AQR: variants seen among roughly 807,000 people sequenced by gnomAD.
AQR encodes the protein aquarius intron-binding spliceosomal factor, also known as RNA helicase aquarius.
AQR carries 61 observed loss-of-function variants against 180.5 expected under a neutral mutation model. The ratio of observed to expected loss-of-function variants is 0.34; its 90% CI spans 0.28 to 0.42. AQR has a LOEUF of 0.42. Ranked by LOEUF, AQR falls within the 10% of genes least tolerant of loss-of-function variation. The probability of loss-of-function intolerance (pLI) is 1.00; values close to 1 mark genes in which losing one functional copy is unlikely to be tolerated. For missense variants in AQR, 1,281 were observed against 1,798.3 expected (o/e 0.71, Z 5.20); for synonymous variants, 551 against 588.8 (o/e 0.94, Z 0.93).
At position 34,851,876 on chromosome 15, in the gene AQR, T is replaced by C. The variant is rs916920708; in HGVS notation, c.*4916A>G. 1.8e-4 allele frequency: 27 copies of C among 152,212 alleles called. No homozygotes were observed. Among genetic ancestry groups the C allele is most frequent in the African/African-American group, 6.0e-4 (25 of 41,458 alleles). The allele number at this position is 152,212 out of a possible 1,614,324, so 9.4% of individuals were successfully genotyped here. The stretch of plus-strand genomic sequence containing the variant: ...CTAAAATTAAAATGTAAACAGAGAA[T>C]GCTCAGTGACCTTTTCTTAGGAGGC... On this transcript the variant is annotated 3_prime_UTR_variant, in exon 35 of 35. Transcript: ENST00000156471.
At chr15:34,874,124 T>C in intron 29 of AQR, 125 bp from the exon 30 acceptor site, 1 of 1,001,698 alleles carries the variant, frequency 1.0e-6, no homozygotes, top group Non-Finnish European at 1.4e-6. Flanking sequence ...TTTTGGCTCA[T>C]CTTTTAAGCA....
At chr15:34,911,756 T>C (rs1024980781) in intron 16 of AQR, among the ~76,000 whole-genome samples, 11 of 152,314 alleles carry the variant, frequency 7.2e-5, no homozygotes, top group African/African-American at 2.6e-4. Flanking sequence ...TTCATTTTGT[T>C]GACTGTTTCC....
rs1044590882 is a variant in AQR at position 34,874,869 on chromosome 15, A to G, written c.3238-5T>C. On this transcript the variant is annotated splice_region_variant and splice_polypyrimidine_tract_variant and intron_variant, in intron 28 of 34. Transcript: ENST00000156471. ...GCTAAATCCATCCTGAGGATTCTAG[A>G]AATGAAAAGTAAGGAAATGGCAAAA... The G allele has an allele frequency of 6.2e-7, 1 of 1,611,334 alleles. No homozygotes were observed. Among genetic ancestry groups the G allele is most frequent in the Admixed American group, 1.7e-5 (1 of 59,268 alleles).
intron 5 of AQR, among the ~76,000 whole-genome samples, chr15:34,945,598 A>G (rs1357361280): frequency 3.3e-5 from 5 of 152,220 alleles, no homozygotes; most frequent in Non-Finnish European, 5.9e-5. Flanking sequence ...AATAGCTTGA[A>G]GCAACTTGAA....
chr15:34,922,881 A>G lies in AQR; in HGVS notation c.1119-2447T>C, dbSNP rs182850816. Reference sequence around the variant, plus strand: ...TATGGTTTAAATTTGCATTTCCCCAATGACTAAACATGTTAAGCATCTTTC... The same window carrying G: ...TATGGTTTAAATTTGCATTTCCCCAGTGACTAAACATGTTAAGCATCTTTC... On this transcript the variant is annotated intron_variant, in intron 13 of 34. Coordinates refer to ENST00000156471, the MANE Select transcript of AQR (RefSeq NM_014691.3). Among the ~76,000 whole-genome samples, 86 of 152,142 alleles carry G rather than the reference A, an allele frequency of 5.7e-4. 1 individual carries two copies. The highest frequency in any genetic ancestry group is 1.1e-3 in the Admixed American group (17 of 15,278).
chr15:34,880,213 G>A (rs1892950995), intron 27 of AQR, among the ~76,000 whole-genome samples: 1 of 152,168 alleles, frequency 6.6e-6, no homozygotes, highest in Non-Finnish European at 1.5e-5. Flanking sequence ...AAATGTGAGA[G>A]TAGATTAAAA....
In AQR at chr15:34,915,507, C is replaced by T. The variant is rs141312978; in HGVS notation, c.1343-328G>A. 3.1e-3 allele frequency among the ~76,000 whole-genome samples: 473 copies of T among 150,836 alleles called. 3 individuals are homozygous for T. The highest frequency in any genetic ancestry group is 0.011 in the African/African-American group (448 of 41,252). Reference sequence around the variant, plus strand: ...ACCCGGCCTGAATTATTCTTTTAATCAGATATTTGTTCTCTGTATTAAAAA... The same window carrying T: ...ACCCGGCCTGAATTATTCTTTTAATTAGATATTTGTTCTCTGTATTAAAAA... On this transcript the variant is annotated intron_variant, in intron 15 of 34. Transcript: ENST00000156471.
Position 34,969,731 on chromosome 15 carries a change from T to C in AQR, c.-118A>G, listed in dbSNP as rs535716041. On this transcript the variant is annotated 5_prime_UTR_variant, in exon 1 of 35. Transcript: ENST00000156471. ...GCTTAACTCCGCGCCGCACAAACGC[T>C]CCGGGCCGGATATCCTCAGCCTTCA... 235 of 1,015,238 alleles carry C rather than the reference T, an allele frequency of 2.3e-4. No individual in the cohort carries two copies. The African/African-American group carries it at 3.3e-3, about 14-fold the overall frequency. 62.9% of individuals were successfully genotyped at this position (1,015,238 alleles called of 1,614,324 possible).
chr15:34,875,044 C>A (rs954405926), intron 28 of AQR, among the ~76,000 whole-genome samples, 180 bp from the exon 29 acceptor site: 2 of 151,990 alleles, frequency 1.3e-5, no homozygotes, highest in Non-Finnish European at 2.9e-5. Context: ...CAATTATGGA[C>A]GTTATTGCTC....
intron 16 of AQR, among the ~76,000 whole-genome samples, chr15:34,913,283 T>C (rs553011214): frequency 1.3e-5 from 2 of 152,312 alleles, no homozygotes; most frequent in East Asian, 1.9e-4. Flanking sequence ...TTAAAAAGTA[T>C]AGATTTCTGG....
chr15:34,862,381 G>A (rs554077183), intron 33 of AQR, among the ~76,000 whole-genome samples: 158 of 152,116 alleles, frequency 1.0e-3, no homozygotes, highest in African/African-American at 3.7e-3. Context: ...TAGATGCATG[G>A]CCAAACTACT....
At position 34,928,972 on chromosome 15, in the gene AQR, G is replaced by A. The variant is rs541969108; in HGVS notation, c.1014+1286C>T. ...ATGTTGAGTTTTTCTTCATATGTTC[G>A]TTGGCCACATAAATGTCTTCCTTTG... On this transcript the variant is annotated intron_variant, in intron 12 of 34. Coordinates refer to ENST00000156471, the MANE Select transcript of AQR (RefSeq NM_014691.3). 3.9e-5 allele frequency among the ~76,000 whole-genome samples: 6 copies of A among 152,226 alleles called. No individual in the cohort carries two copies. In the South Asian group the frequency reaches 1.0e-3, roughly 26 times the overall value.
In AQR at chr15:34,912,760, G is replaced by A. The variant is rs113027052; in HGVS notation, c.1484+2278C>T. On this transcript the variant is annotated intron_variant, in intron 16 of 34. Transcript: ENST00000156471. ...TTTTTATATTAAAAAGTTGTATTTG[G>A]GAAATACGTAACATAAAAACTGAAG... is the stretch of plus-strand genomic sequence containing the variant. Among the ~76,000 whole-genome samples the A allele has an allele frequency of 8.5e-3, 1,299 of 152,020 alleles. 20 individuals are homozygous for A. Among genetic ancestry groups the A allele is most frequent in the African/African-American group, 0.03 (1,238 of 41,486 alleles).
chr15:34,908,306 G>A (rs558501049), intron 17 of AQR, among the ~76,000 whole-genome samples: 14 of 152,056 alleles, frequency 9.2e-5, no homozygotes, highest in South Asian at 8.3e-4. Flanking sequence ...GCGTGGTGGC[G>A]GGTGCCTGTA....
At chr15:34,953,967 T>G (rs1395185326) in intron 3 of AQR, among the ~76,000 whole-genome samples, 2 of 152,302 alleles carry the variant, frequency 1.3e-5, no homozygotes, top group East Asian at 3.9e-4. Flanking sequence ...CACACTAGAG[T>G]GCAGTGGCAC....
At chr15:34,917,368 T>A (rs1490791994) in intron 15 of AQR, among the ~76,000 whole-genome samples, 1 of 152,232 alleles carries the variant, frequency 6.6e-6, no homozygotes, top group African/African-American at 2.4e-5. Flanking sequence ...TCTTTTGAAA[T>A]ATACCTTCAA....
intron 16 of AQR, 27 bp from the exon 17 acceptor site, chr15:34,910,340 T>A (rs1201295452): frequency 6.2e-7 from 1 of 1,602,216 alleles, no homozygotes; most frequent in Non-Finnish European, 8.5e-7. Flanking sequence ...GGATGATTAC[T>A]CAAACAAAAA....
In AQR at chr15:34,886,639, G is replaced by A. The variant is rs772843386; in HGVS notation, c.2704C>T (p.Leu902=). The A allele has an allele frequency of 6.2e-7, 1 of 1,613,242 alleles. No individual in the cohort carries two copies. The highest frequency in any genetic ancestry group is 8.5e-7 in the Non-Finnish European group (1 of 1,179,796). The part of the protein sequence containing the change: ...FSRYGRVNYV[L]ARRIELLEEV... The stretch of plus-strand genomic sequence containing the variant: ...TCTAAAAGTTCTATTCTTCGAGCCA[G>A]AACATAATTAACTCTTCCATACCTA... Residue 902 remains leucine (L), a synonymous_variant, in exon 25 of 35, where the codon CTG becomes TTG. Transcript: ENST00000156471.
At chr15:34,946,959 A>T (rs1229335042) in intron 5 of AQR, among the ~76,000 whole-genome samples, 3 of 151,706 alleles carry the variant, frequency 2.0e-5, no homozygotes, top group Admixed American at 1.3e-4. Flanking sequence ...GGCCGCGCCT[A>T]CTGGGAAGTG....
Sources: allele counts gnomAD v4.1 joint callset (sites outside exome capture counted in the v4.1 genomes callset), GRCh38; gene constraint gnomAD v4.1.1; transcripts MANE v1.5; gene names NCBI Gene and HGNC (gene_info 2026-07-23, HGNC 2026-07-21).